The following GALNT13 variants were observed in gnomAD, a reference collection of about 807,000 sequenced individuals.
GALNT13 encodes the protein polypeptide N-acetylgalactosaminyltransferase 13, also known as UDP-GalNAc:polypeptide N-acetylgalactosaminyltransferase 13.
In GALNT13, 28 loss-of-function variants were observed where a neutral mutation model predicts 64.2. That is an observed-to-expected ratio of 0.44 (90% CI 0.32 to 0.60). The LOEUF is 0.60. Among genes scored for constraint, GALNT13 ranks in the 20% least tolerant of loss-of-function variants. The pLI, the probability that GALNT13 is intolerant of heterozygous loss-of-function variation, is 0.05. For synonymous variants in GALNT13, 214 were observed against 224.6 expected (o/e 0.95, Z 0.42); for missense variants, 577 against 669.8 (o/e 0.86, Z 1.53).
At chr2:153,714,931 T>C in the GALNT13 span, among the ~76,000 whole-genome samples, 4 of 152,236 alleles carry the variant, frequency 2.6e-5, no homozygotes, top group Admixed American at 6.5e-5. Context: ...CATAAGCTGT[T>C]GAGAGCTAAT....
intron 11 of GALNT13, among the ~76,000 whole-genome samples, chr2:154,413,801 A>C (rs1699893173): frequency 6.6e-6 from 1 of 152,168 alleles, no homozygotes. Flanking sequence ...TCCTTAACCT[A>C]AACAGGACAC....
At chr2:153,967,475 C>T (rs188381549) in intron 3 of GALNT13, among the ~76,000 whole-genome samples, 1 of 152,200 alleles carries the variant, frequency 6.6e-6, no homozygotes, top group Admixed American at 6.5e-5. Context: ...CCCAGGAACA[C>T]TGTGGCTCTT....
chr2:153,308,739 G>T, the GALNT13 span, among the ~76,000 whole-genome samples: 1 of 152,058 alleles, frequency 6.6e-6, no homozygotes, highest in Non-Finnish European at 1.5e-5. Flanking sequence ...GGGGAACGCC[G>T]ATGAACAAAT....
the GALNT13 span, among the ~76,000 whole-genome samples, chr2:153,524,970 C>A: frequency 6.6e-6 from 1 of 152,104 alleles, no homozygotes; most frequent in Non-Finnish European, 1.5e-5. Context: ...CTATACAGCT[C>A]ACAGCTCCAA....
At chr2:153,216,116 G>A in the GALNT13 span, among the ~76,000 whole-genome samples, 4 of 151,926 alleles carry the variant, frequency 2.6e-5, no homozygotes, top group Non-Finnish European at 5.9e-5. Context: ...AATGAACAAA[G>A]TCCATTGAGA....
At chr2:154,145,334 T>C (rs989187031) in intron 4 of GALNT13, among the ~76,000 whole-genome samples, 7 of 151,726 alleles carry the variant, frequency 4.6e-5, no homozygotes, top group African/African-American at 1.7e-4. Flanking sequence ...TGTTAGCATG[T>C]TTCTCATCAA....
the GALNT13 span, among the ~76,000 whole-genome samples, chr2:153,687,413 T>A: frequency 1.3e-5 from 2 of 152,042 alleles, no homozygotes; most frequent in Non-Finnish European, 2.9e-5. Flanking sequence ...CTTCTAGATT[T>A]TCTAGTTTAT....
the GALNT13 span, among the ~76,000 whole-genome samples, chr2:153,670,090 C>A: frequency 6.6e-6 from 1 of 152,332 alleles, no homozygotes; most frequent in Admixed American, 6.5e-5. Flanking sequence ...TAGTGCCACT[C>A]TAGATTCCAC....
chr2:153,766,828 G>A, the GALNT13 span, among the ~76,000 whole-genome samples: 1 of 151,862 alleles, frequency 6.6e-6, no homozygotes, highest in Non-Finnish European at 1.5e-5. Context: ...TTCTTTAAGA[G>A]GATTATTCTT....
chr2:153,677,315 ACACACACAC>A, the GALNT13 span, among the ~76,000 whole-genome samples: 12 of 125,122 alleles, frequency 9.6e-5, 1 homozygote, highest in East Asian at 2.3e-3. Context: ...ACACACACAC[ACACACACAC>A]AATACCTATG....
In GALNT13 at chr2:154,244,817, C is replaced by G. The variant is rs924459172; in HGVS notation, c.687-995C>G. Reference sequence around the variant, plus strand: ...TACCATTAAGAACACCAACCTTTCTCTTACTTTAAGAAAAATGGGATAGGC... The same window carrying G: ...TACCATTAAGAACACCAACCTTTCTGTTACTTTAAGAAAAATGGGATAGGC... On this transcript the variant is annotated intron_variant, in intron 6 of 12. Transcript: ENST00000392825. 5.3e-5 allele frequency among the ~76,000 whole-genome samples: 8 copies of G among 152,088 alleles called. No homozygotes were observed. In the East Asian group the frequency reaches 1.5e-3, roughly 29 times the overall value.
chr2:153,108,596 C>T, the GALNT13 span, among the ~76,000 whole-genome samples: 6 of 152,082 alleles, frequency 3.9e-5, no homozygotes, highest in African/African-American at 1.4e-4. Flanking sequence ...CATTAGTGAT[C>T]TGAGCCCAAC....
chr2:153,534,227 G>C, the GALNT13 span, among the ~76,000 whole-genome samples: 1 of 152,024 alleles, frequency 6.6e-6, no homozygotes, highest in East Asian at 1.9e-4. Context: ...AGTATACCTT[G>C]TACTTTTTTC....
chr2:153,441,558 T>C, the GALNT13 span, among the ~76,000 whole-genome samples: 5 of 152,234 alleles, frequency 3.3e-5, no homozygotes, highest in African/African-American at 1.2e-4. Flanking sequence ...ATTTTCACCA[T>C]AATGATTCTT....
chr2:154,209,937 G>C (rs2105797803), intron 4 of GALNT13, among the ~76,000 whole-genome samples: 1 of 152,164 alleles, frequency 6.6e-6, no homozygotes, highest in Middle Eastern at 3.4e-3. Context: ...CTGTGCAACA[G>C]ATCTCACAAA....
At chr2:153,972,980 C>A (rs1471961584) in intron 3 of GALNT13, among the ~76,000 whole-genome samples, 1 of 151,956 alleles carries the variant, frequency 6.6e-6, no homozygotes, top group Non-Finnish European at 1.5e-5. Context: ...TTCATGTAAG[C>A]TATTTTCAAA....
the GALNT13 span, among the ~76,000 whole-genome samples, chr2:153,256,433 T>G: frequency 2.0e-5 from 3 of 151,954 alleles, no homozygotes; most frequent in Admixed American, 2.0e-4. Context: ...TAGCTCGGAG[T>G]AATTTGATCA....
the GALNT13 span, among the ~76,000 whole-genome samples, chr2:153,172,943 T>C: frequency 6.6e-6 from 1 of 152,172 alleles, no homozygotes; most frequent in Non-Finnish European, 1.5e-5. Context: ...TAACTGAATG[T>C]CTAAGGCAGA....
chr2:154,205,500 A>T (rs1193419965), intron 4 of GALNT13, among the ~76,000 whole-genome samples: 1 of 152,230 alleles, frequency 6.6e-6, no homozygotes, highest in Non-Finnish European at 1.5e-5. Flanking sequence ...TGAAATGTTA[A>T]TAATTTGGGT....
Sources: gnomAD v4.1 joint callset for allele counts (sites outside exome capture counted in the v4.1 genomes callset) on GRCh38, gnomAD v4.1.1 for gene constraint, MANE v1.5 for transcripts, NCBI Gene and HGNC (gene_info 2026-07-23, HGNC 2026-07-21) for gene names.